FBLN7: variants seen among roughly 807,000 people sequenced by gnomAD.
FBLN7 encodes the protein fibulin-7.
Under a neutral mutation model 44.0 loss-of-function variants are expected in FBLN7, and 31 were observed. That is an observed-to-expected ratio of 0.70 (90% confidence interval 0.53 to 0.95). FBLN7 has a LOEUF of 0.95. Among genes scored for constraint, FBLN7 ranks in the 40% least tolerant of loss-of-function variants. FBLN7 has a pLI of 0.00. For synonymous variants in FBLN7, 262 were observed against 253.4 expected (o/e 1.03, Z -0.32); for missense variants, 573 against 618.5 (o/e 0.93, Z 0.78).
At chr2:112,229,021 G>A in the FBLN7 span, among the ~76,000 whole-genome samples, 1 of 152,176 alleles carries the variant, frequency 6.6e-6, no homozygotes, top group African/African-American at 2.4e-5. Context: ...TACTGGAAAA[G>A]CTATAATCAA....
At chr2:112,142,768 T>TTGTGTG (rs60060928) in intron 1 of FBLN7, among the ~76,000 whole-genome samples, 16,090 of 151,372 alleles carry the variant, frequency 0.11, 1,304 homozygotes, top group African/African-American at 0.23. Context: ...ATGTGTGTGT[T>TTGTGTG]TGTGTGTGTG....
At chr2:112,226,582 T>C in the FBLN7 span, among the ~76,000 whole-genome samples, 1 of 12,638 alleles carries the variant, frequency 7.9e-5, no homozygotes. Flanking sequence ...GAGCCAAGAC[T>C]CCATCTCAAA....
chr2:112,190,110 A>G (rs1683437574), downstream of FBLN7: 2 of 152,174 alleles, frequency 1.3e-5, no homozygotes, highest in Admixed American at 6.5e-5. Context: ...TTTTCACAGT[A>G]TGAGTTTTTC....
intron 1 of FBLN7, among the ~76,000 whole-genome samples, chr2:112,149,473 C>T (rs992110470): frequency 6.6e-6 from 1 of 152,128 alleles, no homozygotes; most frequent in Admixed American, 6.5e-5. Flanking sequence ...GGGTACCAGC[C>T]CTCCCTCCAT....
the FBLN7 span, among the ~76,000 whole-genome samples, chr2:112,220,298 T>G: frequency 6.6e-6 from 1 of 152,236 alleles, no homozygotes; most frequent in South Asian, 2.1e-4. Flanking sequence ...TGGTCTTTAC[T>G]TCCCATATTT....
chr2:112,238,151 A>G, the FBLN7 span, among the ~76,000 whole-genome samples: 16,333 of 152,232 alleles, frequency 0.11, 1,185 homozygotes, highest in Non-Finnish European at 0.16. Flanking sequence ...GCCAGGTCTC[A>G]GATGGGGTCT....
the FBLN7 span, chr2:112,234,085 C>G: frequency 2.9e-4 from 357 of 1,229,972 alleles, 2 homozygotes; most frequent in African/African-American, 4.9e-3. Flanking sequence ...AGCAGTTTTA[C>G]ATTTTAGTAG....
At chr2:112,226,946 T>C in the FBLN7 span, among the ~76,000 whole-genome samples, 2 of 151,984 alleles carry the variant, frequency 1.3e-5, no homozygotes, top group Non-Finnish European at 2.9e-5. Flanking sequence ...AGAGGAAAAA[T>C]TATATGGTCA....
At chr2:112,235,527 A>G in the FBLN7 span, among the ~76,000 whole-genome samples, 1 of 152,188 alleles carries the variant, frequency 6.6e-6, no homozygotes, top group Non-Finnish European at 1.5e-5. Flanking sequence ...GGCAGGGGAC[A>G]GACTGTATAT....
At chr2:112,193,733 CTAGG>C in the FBLN7 span, among the ~76,000 whole-genome samples, 3 of 152,128 alleles carry the variant, frequency 2.0e-5, no homozygotes, top group African/African-American at 7.2e-5. Context: ...ATCCCATATC[CTAGG>C]AGTTTGGCCT....
chr2:112,223,382 T>C, the FBLN7 span, among the ~76,000 whole-genome samples: 1 of 151,794 alleles, frequency 6.6e-6, no homozygotes, highest in African/African-American at 2.4e-5. Flanking sequence ...CAAACAATCC[T>C]CAAGAATAGA....
intron 1 of FBLN7, 48 bp downstream of exon 1, chr2:112,138,778 T>G: frequency 2.7e-6 from 4 of 1,499,824 alleles, no homozygotes; most frequent in Non-Finnish European, 3.6e-6. Flanking sequence ...CTCCCGCCTC[T>G]CTCCAGGCCA....
intron 6 of FBLN7, 36 bp from the exon 7 acceptor site, chr2:112,185,165 G>A (rs774628944): frequency 1.3e-6 from 2 of 1,595,164 alleles, no homozygotes; most frequent in South Asian, 2.2e-5. Flanking sequence ...GGGAAGGTCA[G>A]GGCGATTCTC....
chr2:112,162,957 AG>A, intron 2 of FBLN7, among the ~76,000 whole-genome samples: 1 of 152,336 alleles, frequency 6.6e-6, no homozygotes, highest in Non-Finnish European at 1.5e-5. Context: ...TCAGAGGCTG[AG>A]GCAGAACCCC....
intron 3 of FBLN7, among the ~76,000 whole-genome samples, chr2:112,173,242 T>A (rs914585274): frequency 2.6e-5 from 4 of 152,120 alleles, no homozygotes; most frequent in Admixed American, 2.0e-4. Context: ...CACTTAATTA[T>A]GAGTAATGAA....
chr2:112,201,196 C>G, the FBLN7 span, among the ~76,000 whole-genome samples: 2 of 152,184 alleles, frequency 1.3e-5, no homozygotes, highest in African/African-American at 4.8e-5. Context: ...AGGCAGGGCC[C>G]AGTGACTGCT....
At chr2:112,231,036 T>C in the FBLN7 span, 2 of 879,258 alleles carry the variant, frequency 2.3e-6, no homozygotes, top group African/African-American at 1.8e-5. Flanking sequence ...TTTCAAATGA[T>C]TCCAATCAAA....
intron 4 of FBLN7, chr2:112,178,040 G>A (rs547084529): frequency 2.0e-5 from 3 of 151,538 alleles, no homozygotes; most frequent in Admixed American, 2.0e-4. Context: ...GTGGTGACGT[G>A]CACCTGTAAT....
the FBLN7 span, chr2:112,238,280 A>ATAAACTT: frequency 6.3e-7 from 1 of 1,597,188 alleles, no homozygotes; most frequent in Non-Finnish European, 8.5e-7. Context: ...GCTTCTCTAG[A>ATAAACTT]TAAACTTTAA....
Sources: allele counts gnomAD v4.1 joint callset (sites outside exome capture counted in the v4.1 genomes callset), GRCh38; gene constraint gnomAD v4.1.1; transcripts MANE v1.5; gene names NCBI Gene and HGNC (gene_info 2026-07-23, HGNC 2026-07-21).